BCO2: variants seen among roughly 807,000 people sequenced by gnomAD.
The protein encoded by BCO2 is beta-carotene oxygenase 2.
A neutral mutation model predicts 65.8 loss-of-function variants in BCO2; 56 were observed. That is an observed-to-expected ratio of 0.85 (90% CI 0.69 to 1.06). The LOEUF is 1.06. Ranked by LOEUF, BCO2 falls within the 50% of genes least tolerant of loss-of-function variation. BCO2 has a pLI of 0.00. For missense variants in BCO2, 675 were observed against 698.5 expected, an observed-to-expected ratio of 0.97 and a Z score of 0.38; for synonymous variants, 233 against 242.3, an observed-to-expected ratio of 0.96 and a Z score of 0.36.
intron 8 of BCO2, among the ~76,000 whole-genome samples, chr11:112,205,404 G>T (rs1189198842): frequency 6.6e-6 from 1 of 152,124 alleles, no homozygotes; most frequent in African/African-American, 2.4e-5. Context: ...TATGGTTAGT[G>T]ATGTTGAGCA....
chr11:112,186,482 G>A (rs945212542), intron 2 of BCO2, among the ~76,000 whole-genome samples: 3 of 152,166 alleles, frequency 2.0e-5, no homozygotes, highest in African/African-American at 7.2e-5. Flanking sequence ...TCCCCAGATA[G>A]GACCTACAGG....
rs371288517 is a variant in BCO2 at position 112,200,790 on chromosome 11, A to G, written c.1026+17A>G. 16 of 1,600,340 alleles carry G rather than the reference A, an allele frequency of 1.0e-5. No individual in the cohort carries two copies. In the African/African-American group the frequency reaches 1.8e-4, roughly 18 times the overall value. ...ACTGGACAGGTGGAGTATTTTGAGT[A>G]TATTTATCATGAAAATTGTTGGAAA... On this transcript the variant is annotated intron_variant, in intron 7 of 11. Coordinates refer to ENST00000357685, the MANE Select transcript of BCO2 (RefSeq NM_031938.7).
chr11:112,190,218 A>G lies in BCO2; in HGVS notation c.294-3256A>G, dbSNP rs186169551. On this transcript the variant is annotated intron_variant, in intron 2 of 11. Coordinates refer to ENST00000357685, the MANE Select transcript of BCO2 (RefSeq NM_031938.7). ...GGAGGATCACTTCAGCCCAGAATTGAGGATGCAGTGAGCTATGACAGTGCC... is the reference window on the plus strand; with the variant it reads ...GGAGGATCACTTCAGCCCAGAATTGGGGATGCAGTGAGCTATGACAGTGCC... 4.4e-4 allele frequency among the ~76,000 whole-genome samples: 67 copies of G among 152,276 alleles called. 1 individual carries two copies. In the East Asian group the frequency reaches 0.012, roughly 28 times the overall value.
rs1198815097 is a variant in BCO2 at position 112,194,692 on chromosome 11, G to T, written c.673G>T (p.Ala225Ser). The T allele has an allele frequency of 1.7e-5, 27 of 1,613,216 alleles. No homozygotes were observed. The Admixed American group carries it at 3.3e-4, about 20-fold the overall frequency. Residue 225 changes from alanine to serine, a missense_variant, in exon 5 of 12, where the codon GCA (alanine) becomes TCA (serine). Transcript: ENST00000357685. ...ATTTATTGCTGTGAATGGAGCAACT[G>T]CACATCCTCATTATGACCTGGATGG... is the stretch of plus-strand genomic sequence containing the variant. Reference protein sequence around the residue: ...SKFIAVNGATAHPHYDLDGTA... With the variant: ...SKFIAVNGATSHPHYDLDGTA...
In BCO2 at chr11:112,218,080, A is replaced by C. The variant is rs866656956; in HGVS notation, c.*206A>C. 7 of 475,596 alleles carry C rather than the reference A, an allele frequency of 1.5e-5. No homozygotes were observed. The highest frequency in any genetic ancestry group is 4.8e-4 in the Middle Eastern group (1 of 2,104). The allele number at this position is 475,596 out of a possible 1,614,324, so 29.5% of individuals were successfully genotyped here. On this transcript the variant is annotated 3_prime_UTR_variant, in exon 12 of 12. Coordinates refer to ENST00000357685, the MANE Select transcript of BCO2 (RefSeq NM_031938.7). ...AACCTCAGCAGCACACAATATACTC[A>C]TGTAACAAGCCTGCACATGTACCCC... is the stretch of plus-strand genomic sequence containing the variant.
At chr11:112,209,659 T>C (rs1859452441) in intron 8 of BCO2, among the ~76,000 whole-genome samples, 1 of 152,224 alleles carries the variant, frequency 6.6e-6, no homozygotes, top group African/African-American at 2.4e-5. Flanking sequence ...AACTGTTTTT[T>C]TTCTGCACTA....
chr11:112,182,949 C>T, intron 2 of BCO2: 1 of 1,178,146 alleles, frequency 8.5e-7, no homozygotes, highest in African/African-American at 1.5e-5. Context: ...AGGTGTTAAT[C>T]TGAAAGGTGT....
At chr11:112,188,770 T>TA (rs1555194629) in intron 2 of BCO2, among the ~76,000 whole-genome samples, 3 of 151,604 alleles carry the variant, frequency 2.0e-5, no homozygotes, top group South Asian at 2.1e-4. Flanking sequence ...TTTTTTTTTT[T>TA]AAAGTTTCTC....
intron 8 of BCO2, chr11:112,208,883 T>G (rs1164210552): frequency 5.8e-6 from 1 of 171,222 alleles, no homozygotes; most frequent in African/African-American, 2.4e-5. Flanking sequence ...TTGTCCATTG[T>G]GGAGATCCAG....
rs747678472 is a variant in BCO2 at position 112,213,779 on chromosome 11, T to C, written c.1250T>C (p.Val417Ala). The C allele has an allele frequency of 3.1e-6, 5 of 1,613,420 alleles. No homozygotes were observed. Residue 417 changes from valine (V) to alanine (A), a missense_variant, in exon 9 of 12, where the codon GTC becomes GCC. Transcript: ENST00000357685. ...CGAAGGTTTGTTTTGCCTTTAAATG[T>C]CAGTTTGAATGCCCCTGAGGGAGAC... ...FPRRFVLPLN[V>A]SLNAPEGDNL...
intron 2 of BCO2, among the ~76,000 whole-genome samples, chr11:112,191,678 T>A (rs1384378989): frequency 6.6e-6 from 1 of 152,092 alleles, no homozygotes; most frequent in Admixed American, 6.5e-5. Flanking sequence ...ACAATAAATT[T>A]TTTTTCAGAG....
rs187329099 is a variant in BCO2 at position 112,200,520 on chromosome 11, G to A, written c.866-93G>A. 2.3e-4 allele frequency: 259 copies of A among 1,131,478 alleles called. 1 individual carries two copies. The African/African-American group carries it at 3.4e-3, about 15-fold the overall frequency. The allele number at this position is 1,131,478 out of a possible 1,614,324, so 70.1% of individuals were successfully genotyped here. A position where few individuals can be genotyped will look rare whatever the true frequency, so the allele number is the denominator to read the frequency against. On this transcript the variant is annotated intron_variant, in intron 6 of 11. Transcript: ENST00000357685. Reference sequence around the variant, plus strand: ...CATTTGTTTAGGGCATCAGTAACGTGTCCAGGCATTCAGACAAGTCCCCAT... The same window carrying A: ...CATTTGTTTAGGGCATCAGTAACGTATCCAGGCATTCAGACAAGTCCCCAT...
chr11:112,214,800 A>T lies in BCO2; in HGVS notation c.1371A>T (p.Leu457=), dbSNP rs773315098. ...ATGAAAATCTACATCAGGAGGACCTAGAAAAGGAAGGAGGCATTGAATTTC... is the reference window on the plus strand; with the variant it reads ...ATGAAAATCTACATCAGGAGGACCTTGAAAAGGAAGGAGGCATTGAATTTC... ...CSHENLHQED[L]EKEGGIEFPQ... The change falls in exon 10 of 12, where the codon CTA becomes CTT. Residue 457 remains leucine, a synonymous_variant. Transcript: ENST00000357685. The T allele has an allele frequency of 3.1e-6, 5 of 1,613,822 alleles. No homozygotes were observed. Among genetic ancestry groups the T allele is most frequent in the Non-Finnish European group, 4.2e-6 (5 of 1,179,798 alleles).
chr11:112,195,210 T>C (rs57726702), intron 5 of BCO2, among the ~76,000 whole-genome samples: 143,949 of 151,476 alleles, frequency 0.95, 68,589 homozygotes, highest in East Asian at 1. Context: ...ATCTCGCTCA[T>C]TGCAACCTCT....
intron 5 of BCO2, among the ~76,000 whole-genome samples, chr11:112,199,263 C>G (rs1442705506): frequency 6.6e-6 from 1 of 151,770 alleles, no homozygotes; most frequent in East Asian, 1.9e-4. Context: ...CCAGCGTCAT[C>G]CATGTCCCTG....
chr11:112,175,581 C>T lies in BCO2; in HGVS notation c.-21C>T. ...CCAGTGTGAGAGGATTTGGAAATCA[C>T]TGGATCTGCTCAATACAAAAATGTT... is the stretch of plus-strand genomic sequence containing the variant. On this transcript the variant is annotated 5_prime_UTR_variant, in exon 1 of 12. Transcript: ENST00000357685. 1 of 1,583,990 alleles carries T rather than the reference C, an allele frequency of 6.3e-7. No homozygotes were observed. Among genetic ancestry groups the T allele is most frequent in the South Asian group, 1.1e-5 (1 of 90,472 alleles).
chr11:112,196,701 A>G (rs530823766), intron 5 of BCO2, among the ~76,000 whole-genome samples: 1 of 152,268 alleles, frequency 6.6e-6, no homozygotes, highest in Admixed American at 6.5e-5. Context: ...TTTTATATCC[A>G]ATTGCTTACT....
intron 8 of BCO2, among the ~76,000 whole-genome samples, chr11:112,213,367 T>G (rs2135395995): frequency 6.6e-6 from 1 of 152,120 alleles, no homozygotes; most frequent in Non-Finnish European, 1.5e-5. Flanking sequence ...GGTCTTGAAC[T>G]CTAGACCTCA....
At chr11:112,213,550 T>C (rs1469086213) in intron 8 of BCO2, among the ~76,000 whole-genome samples, 174 bp from the exon 9 acceptor site, 5 of 152,212 alleles carry the variant, frequency 3.3e-5, no homozygotes, top group African/African-American at 7.2e-5. Flanking sequence ...CTCCAGTGTC[T>C]AAAACTGCTT....
Sources: allele counts gnomAD v4.1 joint callset (sites outside exome capture counted in the v4.1 genomes callset), GRCh38; gene constraint gnomAD v4.1.1; transcripts MANE v1.5; gene names NCBI Gene and HGNC (gene_info 2026-07-23, HGNC 2026-07-21).